Variants in TRMT61B observed in about 807,000 individuals in gnomAD.
TRMT61B encodes tRNA (adenine(58)-N(1))-methyltransferase, mitochondrial.
Under a neutral mutation model 52.0 loss-of-function variants are expected in TRMT61B, and 56 were observed. The observed-to-expected ratio is 1.08, with a 90% CI of 0.87 to 1.35. The LOEUF is 1.35. Ranked by LOEUF, TRMT61B falls within the 40% of genes most tolerant of loss-of-function variation. The pLI is 0.00. For synonymous variants in TRMT61B, 206 were observed against 220.0 expected (o/e 0.94, Z 0.56); for missense variants, 650 against 577.9 (o/e 1.12, Z -1.28).
intron 1 of TRMT61B, among the ~76,000 whole-genome samples, chr2:28,867,387 A>T (rs1241258335): frequency 6.6e-6 from 1 of 152,128 alleles, no homozygotes; most frequent in Non-Finnish European, 1.5e-5. Flanking sequence ...GAGCCACTGC[A>T]CTCTGCCTCT....
intron 3 of TRMT61B, among the ~76,000 whole-genome samples, chr2:28,856,968 C>T (rs1446891299): frequency 1.3e-5 from 2 of 152,046 alleles, no homozygotes; most frequent in Non-Finnish European, 2.9e-5. Flanking sequence ...GAGTCTTGCT[C>T]TGTCACCTAG....
intron 1 of TRMT61B, among the ~76,000 whole-genome samples, chr2:28,866,326 T>C (rs933866646): frequency 2.8e-4 from 43 of 152,170 alleles, no homozygotes; most frequent in African/African-American, 9.7e-4. Flanking sequence ...TAAGATACTA[T>C]ATAACAGCGG....
intron 3 of TRMT61B, among the ~76,000 whole-genome samples, chr2:28,859,872 C>A (rs199601360): frequency 2.6e-5 from 4 of 151,996 alleles, no homozygotes; most frequent in African/African-American, 9.7e-5. Context: ...CTGTAACATG[C>A]AAGCCATAAA....
intron 3 of TRMT61B, among the ~76,000 whole-genome samples, chr2:28,856,517 C>A (rs999656032): frequency 1.3e-5 from 2 of 152,062 alleles, no homozygotes; most frequent in African/African-American, 4.8e-5. Flanking sequence ...ATTATCTAGC[C>A]CCTCATGACT....
rs150892655 is a variant in TRMT61B at position 28,865,120 on chromosome 2, C to T, written c.700-1G>A. 9.0e-6 allele frequency: 14 copies of T among 1,563,410 alleles called. No individual in the cohort carries two copies. Among genetic ancestry groups the T allele is most frequent in the Non-Finnish European group, 1.2e-5 (14 of 1,134,798 alleles). On this transcript the variant is annotated splice_acceptor_variant, in intron 1 of 6. Coordinates refer to ENST00000306108, the MANE Select transcript of TRMT61B (RefSeq NM_017910.4). LOFTEE classifies it high-confidence loss of function. The stretch of plus-strand genomic sequence containing the variant: ...TCATTGAGAGAATCATATTAATATC[C>T]TATGATTGAAAACAGTATGGGTGAC...
intron 2 of TRMT61B, 129 bp downstream of exon 2, chr2:28,864,888 C>G: frequency 3.4e-6 from 2 of 584,618 alleles, no homozygotes; most frequent in Non-Finnish European, 6.1e-6. Context: ...TAGTTGCTTA[C>G]TTTCAGATTC....
chr2:28,858,794 C>CAAAAAAAAAAAAAAAA (rs1033258916), intron 3 of TRMT61B, among the ~76,000 whole-genome samples: 1 of 23,594 alleles, frequency 4.2e-5, no homozygotes, highest in African/African-American at 1.5e-4. Context: ...GACTCCGTCT[C>CAAAAAAAAAAAAAAAA]AAAAAAAAAA....
intron 3 of TRMT61B, among the ~76,000 whole-genome samples, chr2:28,853,823 G>A (rs577359454): frequency 5.3e-5 from 7 of 131,582 alleles, no homozygotes; most frequent in Non-Finnish European, 6.5e-5. Flanking sequence ...GTGACAGAGT[G>A]AGATTCTGTC....
Position 28,857,642 on chromosome 2 carries a change from A to C in TRMT61B, c.993+3476T>G, listed in dbSNP as rs1390843964. On this transcript the variant is annotated intron_variant, in intron 3 of 6. Coordinates refer to ENST00000306108, the MANE Select transcript of TRMT61B (RefSeq NM_017910.4). ...TACTATTATCATTCCTGTTTAATAC[A>C]TGAGGTAACCGAGGCATGGAAAGAT... Among the ~76,000 whole-genome samples, 7 of 152,236 alleles carry C rather than the reference A, an allele frequency of 4.6e-5. No individual in the cohort carries two copies. In the East Asian group the frequency reaches 1.3e-3, roughly 29 times the overall value.
chr2:28,852,334 AAAAT>A, intron 4 of TRMT61B, 70 bp downstream of exon 4: 2 of 674,060 alleles, frequency 3.0e-6, no homozygotes, highest in Non-Finnish European at 5.1e-6. Flanking sequence ...AAAAAAAAAA[AAAAT>A]TTAGTTTGAT....
intron 3 of TRMT61B, among the ~76,000 whole-genome samples, chr2:28,857,225 T>C (rs771860495): frequency 1.3e-5 from 2 of 151,146 alleles, no homozygotes; most frequent in African/African-American, 4.9e-5. Context: ...TGAACCATCA[T>C]GCCTGGCCCA....
chr2:28,851,913 TA>T (rs1230041550), intron 4 of TRMT61B, among the ~76,000 whole-genome samples: 1,548 of 133,654 alleles, frequency 0.012, 31 homozygotes, highest in African/African-American at 0.04. Context: ...GAAAAAAGTT[TA>T]AAAAAAAAAA....
chr2:28,854,153 T>G (rs761537429), intron 3 of TRMT61B, among the ~76,000 whole-genome samples: 2 of 152,212 alleles, frequency 1.3e-5, no homozygotes, highest in Non-Finnish European at 2.9e-5. Context: ...AAATATTTAT[T>G]AAGCACTGTC....
chr2:28,867,104 CT>C (rs1343297033), intron 1 of TRMT61B, among the ~76,000 whole-genome samples: 2 of 150,804 alleles, frequency 1.3e-5, no homozygotes, highest in African/African-American at 2.4e-5. Flanking sequence ...TGCCCCCTCA[CT>C]TTTTTTTTGA....
chr2:28,850,830 C>G (rs1669061465), intron 5 of TRMT61B, among the ~76,000 whole-genome samples: 1 of 152,146 alleles, frequency 6.6e-6, no homozygotes, highest in Admixed American at 6.6e-5. Flanking sequence ...ATTTCACAAA[C>G]CAAGCTCCTT....
chr2:28,851,373 T>G, intron 4 of TRMT61B, 75 bp from the exon 5 acceptor site: 6 of 1,016,138 alleles, frequency 5.9e-6, no homozygotes, highest in South Asian at 1.8e-5. Context: ...CTATACCTCT[T>G]GCCCACATTT....
intron 3 of TRMT61B, among the ~76,000 whole-genome samples, chr2:28,853,754 T>C (rs1229410636): frequency 6.6e-6 from 1 of 152,052 alleles, no homozygotes; most frequent in Non-Finnish European, 1.5e-5. Context: ...GACAATTACT[T>C]GAACCCGGGA....
At chr2:28,861,337 T>C in intron 2 of TRMT61B, 29 bp from the exon 3 acceptor site, 1 of 1,514,140 alleles carries the variant, frequency 6.6e-7, no homozygotes, top group Non-Finnish European at 8.9e-7. Flanking sequence ...TGATATTTCA[T>C]AATATTAATC....
chr2:28,856,526 C>T (rs1669348171), intron 3 of TRMT61B, among the ~76,000 whole-genome samples: 1 of 152,202 alleles, frequency 6.6e-6, no homozygotes, highest in Non-Finnish European at 1.5e-5. Context: ...CCCCTCATGA[C>T]TGCATTTACA....
Sources: gnomAD v4.1 joint callset for allele counts (sites outside exome capture counted in the v4.1 genomes callset) on GRCh38, gnomAD v4.1.1 for gene constraint, MANE v1.5 for transcripts, NCBI Gene and HGNC (gene_info 2026-07-23, HGNC 2026-07-21) for gene names.